SNTG2: variants seen among roughly 807,000 people sequenced by gnomAD.
SNTG2 encodes gamma-2-syntrophin.
SNTG2 carries 74 observed loss-of-function variants against 70.9 expected under a neutral mutation model. That is an observed-to-expected ratio of 1.04 (90% confidence interval 0.86 to 1.27). The LOEUF (loss-of-function observed/expected upper bound fraction) is 1.27. Ranked by LOEUF, SNTG2 falls within the 50% of genes most tolerant of loss-of-function variation. The pLI, the probability that SNTG2 is intolerant of heterozygous loss-of-function variation, is 0.00. For missense variants in SNTG2, 717 were observed against 690.7 expected (o/e 1.04, Z -0.43); for synonymous variants, 278 against 273.8 (o/e 1.02, Z -0.15).
chr2:1,238,522 T>G (rs754410608), intron 10 of SNTG2, among the ~76,000 whole-genome samples: 30 of 152,082 alleles, frequency 2.0e-4, no homozygotes, highest in Non-Finnish European at 2.9e-4. Flanking sequence ...TCTGTCCCCT[T>G]AAGTGATGTT....
chr2:1,136,936 A>C (rs28463827), intron 4 of SNTG2, among the ~76,000 whole-genome samples: 15,547 of 152,292 alleles, frequency 0.1, 982 homozygotes, highest in Admixed American at 0.14. Flanking sequence ...GGGAAATGCT[A>C]AGTGGCTGAG....
chr2:1,011,115 A>C (rs1251777088), intron 1 of SNTG2, among the ~76,000 whole-genome samples: 3 of 152,232 alleles, frequency 2.0e-5, no homozygotes, highest in African/African-American at 7.2e-5. Context: ...AGTTATAAAA[A>C]CATGATCAGC....
intron 1 of SNTG2, among the ~76,000 whole-genome samples, chr2:1,065,426 C>G (rs758463353): frequency 6.6e-6 from 1 of 152,188 alleles, no homozygotes; most frequent in Non-Finnish European, 1.5e-5. Context: ...TGACATCCCC[C>G]AAACCTACCC....
intron 1 of SNTG2, among the ~76,000 whole-genome samples, chr2:952,616 G>C (rs1180013745): frequency 6.6e-6 from 1 of 152,152 alleles, no homozygotes; most frequent in Non-Finnish European, 1.5e-5. Flanking sequence ...TTCTAATAAG[G>C]ACCTTGATTA....
At chr2:1,321,867 T>TCCC (rs756928080) in intron 16 of SNTG2, among the ~76,000 whole-genome samples, 79,015 of 146,982 alleles carry the variant, frequency 0.54, 20,739 homozygotes, top group Middle Eastern at 0.68. Context: ...GCCTTCTTTC[T>TCCC]TCCTCCCTCC....
chr2:1,047,523 A>G (rs1396889799), intron 1 of SNTG2, among the ~76,000 whole-genome samples: 1 of 152,192 alleles, frequency 6.6e-6, no homozygotes, highest in East Asian at 1.9e-4. Flanking sequence ...TAATTTGTGT[A>G]CAGTCAGTTG....
chr2:1,314,358 G>C (rs1681168207), intron 15 of SNTG2, among the ~76,000 whole-genome samples: 2 of 152,236 alleles, frequency 1.3e-5, no homozygotes, highest in Non-Finnish European at 2.9e-5. Context: ...AAAGGCAGAT[G>C]AGACTTACCT....
At chr2:1,217,277 T>G (rs539167695) in intron 9 of SNTG2, among the ~76,000 whole-genome samples, 1 of 152,320 alleles carries the variant, frequency 6.6e-6, no homozygotes, top group African/African-American at 2.4e-5. Flanking sequence ...CTGGCAGAAG[T>G]TATTTTCCTC....
intron 1 of SNTG2, among the ~76,000 whole-genome samples, chr2:1,060,627 C>A (rs1662757727): frequency 6.6e-6 from 1 of 152,132 alleles, no homozygotes; most frequent in African/African-American, 2.4e-5. Flanking sequence ...CTGAAAGTGT[C>A]CCATGGGCCA....
At chr2:1,315,006 C>A (rs1249709337) in intron 15 of SNTG2, among the ~76,000 whole-genome samples, 1 of 152,182 alleles carries the variant, frequency 6.6e-6, no homozygotes, top group Non-Finnish European at 1.5e-5. Flanking sequence ...ACAGCTAAAC[C>A]ATATCACATG....
chr2:1,283,135 G>A (rs1679623003), intron 14 of SNTG2, among the ~76,000 whole-genome samples: 1 of 152,066 alleles, frequency 6.6e-6, no homozygotes, highest in Admixed American at 6.5e-5. Context: ...AAGCCGCCGT[G>A]GCCTGCTCCT....
intron 6 of SNTG2, among the ~76,000 whole-genome samples, chr2:1,158,010 G>A (rs571027533): frequency 2.5e-4 from 38 of 152,288 alleles, no homozygotes; most frequent in African/African-American, 8.4e-4. Flanking sequence ...GGTTTGGTAC[G>A]GGGCATCCTG....
intron 13 of SNTG2, among the ~76,000 whole-genome samples, chr2:1,260,717 T>G (rs1678367837): frequency 6.6e-6 from 1 of 152,256 alleles, no homozygotes; most frequent in Non-Finnish European, 1.5e-5. Context: ...GGAAGCCTTA[T>G]GTTAACATGA....
chr2:1,139,043 G>A (rs1668579945), intron 6 of SNTG2, among the ~76,000 whole-genome samples: 1 of 152,160 alleles, frequency 6.6e-6, no homozygotes. Context: ...CAACAACAAG[G>A]ATCAGCATAT....
intron 1 of SNTG2, among the ~76,000 whole-genome samples, chr2:983,529 C>A (rs1300296221): frequency 2.0e-5 from 3 of 152,230 alleles, no homozygotes; most frequent in Non-Finnish European, 4.4e-5. Flanking sequence ...AAGCAGGTGT[C>A]CCAGATCTAA....
chr2:1,147,859 G>A (rs943271486), intron 6 of SNTG2, among the ~76,000 whole-genome samples: 4 of 152,200 alleles, frequency 2.6e-5, no homozygotes, highest in East Asian at 1.9e-4. Context: ...ATATTATTCC[G>A]AAAACATTGC....
intron 14 of SNTG2, among the ~76,000 whole-genome samples, chr2:1,273,306 A>G (rs1679133137): frequency 7.1e-6 from 1 of 141,480 alleles, no homozygotes; most frequent in Non-Finnish European, 1.5e-5. Context: ...AAGTTTCAGA[A>G]ATTTTTCTGA....
chr2:1,297,668 C>T (rs1332615807), intron 14 of SNTG2, among the ~76,000 whole-genome samples: 3 of 152,180 alleles, frequency 2.0e-5, no homozygotes, highest in East Asian at 1.9e-4. Context: ...TCTTGTAGGT[C>T]GTTTTCCAGC....
chr2:1,134,691 G>A (rs898763528), intron 4 of SNTG2, among the ~76,000 whole-genome samples: 44 of 152,320 alleles, frequency 2.9e-4, no homozygotes, highest in African/African-American at 1.0e-3. Context: ...GGGGCTGCAG[G>A]TGGAGCCGCC....
Sources: gnomAD v4.1 joint callset for allele counts (sites outside exome capture counted in the v4.1 genomes callset) on GRCh38, gnomAD v4.1.1 for gene constraint, MANE v1.5 for transcripts, NCBI Gene and HGNC (gene_info 2026-07-23, HGNC 2026-07-21) for gene names.